Variants in PHKA1 observed in about 807,000 individuals in gnomAD.
The protein encoded by PHKA1 is phosphorylase kinase regulatory subunit alpha 1.
In PHKA1, 60 loss-of-function variants were observed where a neutral mutation model predicts 110.2. That is an observed-to-expected ratio of 0.54 (90% confidence interval 0.44 to 0.68). The LOEUF (loss-of-function observed/expected upper bound fraction) is 0.68. PHKA1 is among the 30% of genes least tolerant of loss of function. The probability of loss-of-function intolerance (pLI) is 0.00; values close to 1 mark genes in which losing one functional copy is unlikely to be tolerated. For synonymous variants in PHKA1, 316 were observed against 333.6 expected (o/e 0.95, Z 0.58); for missense variants, 801 against 942.5 (o/e 0.85, Z 1.97).
chrX:72,714,161 G>C lies in PHKA1; in HGVS notation c.-281C>G. ...CCCAGGCGCCGCTCCTGCCCCCTTA[G>C]TCCAGTCCGGCCTCCGCGTGTGACT... On this transcript the variant is annotated 5_prime_UTR_variant, in exon 1 of 32. Transcript: ENST00000373542. 2.8e-6 allele frequency: 1 copy of C among 355,856 alleles called. No homozygotes were observed. The highest frequency in any genetic ancestry group is 4.0e-5 in the South Asian group (1 of 25,259). The allele number at this position is 355,856 out of a possible 1,213,427, so 29.3% of individuals were successfully genotyped here.
At chrX:72,709,950 G>A (rs943650068) in intron 2 of PHKA1, among the ~76,000 whole-genome samples, 18 of 105,663 alleles carry the variant, frequency 1.7e-4, no homozygotes, top group African/African-American at 5.2e-4. Flanking sequence ...GCTGAGGCAG[G>A]AGAATCGCTT....
rs2054097321 is a variant in PHKA1, at chrX:72,695,609, A to T, written c.454+99T>A. The T allele has an allele frequency of 1.9e-5, 16 of 834,233 alleles. No individual in the cohort carries two copies. The South Asian group carries it at 3.5e-4, about 18-fold the overall frequency. 68.8% of individuals were successfully genotyped at this position (834,233 alleles called of 1,213,427 possible). A position where few individuals can be genotyped will look rare whatever the true frequency, so the allele number is the denominator to read the frequency against. On this transcript the variant is annotated intron_variant, in intron 4 of 31. Coordinates refer to ENST00000373542, the MANE Select transcript of PHKA1 (RefSeq NM_002637.4). ...AATAAAAAATACCTGTTTCATGAAG[A>T]TCTACCCCAGCCTTCCCGGTTCTCA...
intron 6 of PHKA1, 119 bp downstream of exon 6, chrX:72,675,951 G>A (rs1556311610): frequency 1.8e-6 from 1 of 549,922 alleles, no homozygotes; most frequent in African/African-American, 2.3e-5. Flanking sequence ...AATGTTGCCT[G>A]TGGTTTAAAA....
intron 18 of PHKA1, 37 bp downstream of exon 18, chrX:72,623,072 T>C (rs1556279813): frequency 8.3e-7 from 1 of 1,209,546 alleles, no homozygotes; most frequent in Non-Finnish European, 1.1e-6. Flanking sequence ...TTTGTAGTTT[T>C]GTCCAGCCAG....
intron 14 of PHKA1, among the ~76,000 whole-genome samples, chrX:72,644,133 TG>T (rs781820819): frequency 8.0e-4 from 89 of 111,388 alleles, no homozygotes; most frequent in African/African-American, 2.9e-3. Context: ...GATACAATAT[TG>T]GCTGATAATA....
rs1039610762 is a variant in PHKA1, at chrX:72,709,541, T to C, written c.237+3238A>G. 3 of 109,892 alleles carry C rather than the reference T, an allele frequency of 2.7e-5. No homozygotes were observed. In the Admixed American group the frequency reaches 3.0e-4, roughly 11 times the overall value. The allele number at this position is 109,892 out of a possible 1,213,427, so 9.1% of individuals were successfully genotyped here. On this transcript the variant is annotated intron_variant, in intron 2 of 31. Coordinates refer to ENST00000373542, the MANE Select transcript of PHKA1 (RefSeq NM_002637.4). ...TGTTTTGGGAAAATCCACACAGTAA[T>C]AGAAAGTTGCAGTAGGTGGGAATTT... is the stretch of plus-strand genomic sequence containing the variant.
chrX:72,638,165 A>T (rs1391930130), intron 14 of PHKA1, among the ~76,000 whole-genome samples: 1 of 110,348 alleles, frequency 9.1e-6, no homozygotes, highest in Non-Finnish European at 1.9e-5. Flanking sequence ...AAATAAAACC[A>T]TGTCATGTGT....
In PHKA1 at chrX:72,662,458, C is replaced by T. The variant is rs782473902; in HGVS notation, c.864+3693G>A. Among the ~76,000 whole-genome samples, 34 of 112,199 alleles carry T rather than the reference C, an allele frequency of 3.0e-4. No individual in the cohort carries two copies. The South Asian group carries it at 7.5e-3, about 25-fold the overall frequency. ...GAAAGCCAACCCTGGACCAGCCTGA[C>T]GGAGAAACAGCCTGATGGACCCATG... On this transcript the variant is annotated intron_variant, in intron 8 of 31. Transcript: ENST00000373542.
chrX:72,713,676 A>T (rs1301136420), intron 1 of PHKA1, 127 bp downstream of exon 1: 5 of 528,610 alleles, frequency 9.5e-6, no homozygotes, highest in African/African-American at 7.9e-5. Flanking sequence ...TCCGTCACAC[A>T]CACACACACA....
chrX:72,705,265 C>T lies in PHKA1; in HGVS notation c.238-20G>A. On this transcript the variant is annotated intron_variant, in intron 2 of 31. Coordinates refer to ENST00000373542, the MANE Select transcript of PHKA1 (RefSeq NM_002637.4). The stretch of plus-strand genomic sequence containing the variant: ...TACACTCTGCAGAAATAAATGGAAA[C>T]AAGACAGTTATAAACATCCCTAGAT... The T allele has an allele frequency of 8.6e-7, 1 of 1,158,381 alleles. No homozygotes were observed. Among genetic ancestry groups the T allele is most frequent in the Non-Finnish European group, 1.2e-6 (1 of 850,902 alleles).
intron 19 of PHKA1, among the ~76,000 whole-genome samples, chrX:72,619,511 T>A (rs868981397): frequency 3.9e-4 from 44 of 112,326 alleles, no homozygotes; most frequent in African/African-American, 1.4e-3. Flanking sequence ...ATATTTTGAA[T>A]TGAATTTCTA....
chrX:72,628,679 T>C (rs2053123870), intron 16 of PHKA1, among the ~76,000 whole-genome samples: 1 of 106,557 alleles, frequency 9.4e-6, no homozygotes, highest in Non-Finnish European at 1.9e-5. Flanking sequence ...AACCTCCGCC[T>C]CCCGGGTTCA....
chrX:72,630,999 G>GTTTTTTT (rs146161152), intron 16 of PHKA1, among the ~76,000 whole-genome samples: 2 of 44,708 alleles, frequency 4.5e-5, no homozygotes, highest in Non-Finnish European at 7.6e-5. Context: ...ATTTTTTCAG[G>GTTTTTTT]TTTTTTTTTT....
In PHKA1 at chrX:72,581,097, G is replaced by C. The variant is rs1386922442; in HGVS notation, c.3577C>G (p.Pro1193Ala). The change falls in exon 32 of 32, where the codon CCC becomes GCC. Residue 1193 changes from proline to alanine, a missense_variant. By Grantham distance (27) the Pro-to-Ala change is conservative. This residue lies in a region of PHKA1 where 502 missense variants were observed against 519.2 expected (regional missense o/e 0.97). Coordinates refer to ENST00000373542, the MANE Select transcript of PHKA1 (RefSeq NM_002637.4). ...GICTLLYDSA[P>A]SGRFGTMTYL... ...GTCATGGTGCCAAACCTGCCACTGG[G>C]TGCACTGTCATACAGAAGAGTACAG... 2.5e-6 allele frequency: 3 copies of C among 1,196,550 alleles called. No homozygotes were observed. The highest frequency in any genetic ancestry group is 2.3e-6 in the Non-Finnish European group (2 of 883,057).
At chrX:72,697,446 G>A (rs1201154147) in intron 3 of PHKA1, among the ~76,000 whole-genome samples, 6 of 110,156 alleles carry the variant, frequency 5.4e-5, no homozygotes, top group African/African-American at 1.7e-4. Flanking sequence ...CATCCAAGAT[G>A]TGTGTGTATA....
At chrX:72,653,313 TA>T in intron 11 of PHKA1, 121 bp downstream of exon 11, 1 of 529,362 alleles carries the variant, frequency 1.9e-6, no homozygotes, top group Non-Finnish European at 3.3e-6. Flanking sequence ...GTCCTGTACC[TA>T]AAGACAAGCT....
chrX:72,587,587 T>C (rs782321953), intron 29 of PHKA1, among the ~76,000 whole-genome samples: 1 of 111,493 alleles, frequency 9.0e-6, no homozygotes, highest in Non-Finnish European at 1.9e-5. Flanking sequence ...ATAACAATAT[T>C]AACCTTAATG....
At chrX:72,707,387 C>T (rs1282516030) in intron 2 of PHKA1, among the ~76,000 whole-genome samples, 1 of 112,107 alleles carries the variant, frequency 8.9e-6, no homozygotes, top group Non-Finnish European at 1.9e-5. Context: ...ATTCCCACCT[C>T]TGTGTGTTCC....
At chrX:72,649,956 C>T (rs1556298402) in intron 13 of PHKA1, among the ~76,000 whole-genome samples, 1 of 106,171 alleles carries the variant, frequency 9.4e-6, no homozygotes, top group Non-Finnish European at 1.9e-5. Flanking sequence ...TGCCCCATTG[C>T]ACTCCAGCCT....
Sources: gnomAD v4.1 joint callset for allele counts (sites outside exome capture counted in the v4.1 genomes callset) on GRCh38, gnomAD v4.1.1 for gene constraint, gnomAD v4.1.1 regional missense constraint, MANE v1.5 for transcripts, NCBI Gene and HGNC (gene_info 2026-07-23, HGNC 2026-07-21) for gene names.